The following TENM1 variants were observed in gnomAD, a reference collection of about 807,000 sequenced individuals.
TENM1 encodes the protein teneurin transmembrane protein 1, also known as teneurin-1.
In TENM1, 35 loss-of-function variants were observed where a neutral mutation model predicts 174.8. The ratio of observed to expected loss-of-function variants is 0.20; its 90% CI spans 0.15 to 0.27. TENM1 has a LOEUF of 0.27. TENM1 is among the 10% of genes least tolerant of loss of function. The pLI is 1.00. For missense variants in TENM1, 1,633 were observed against 2,130.1 expected, an observed-to-expected ratio of 0.77 and a Z score of 4.59; for synonymous variants, 781 against 798.7, an observed-to-expected ratio of 0.98 and a Z score of 0.37.
At chrX:124,973,930 G>A in the TENM1 span, among the ~76,000 whole-genome samples, 2 of 111,709 alleles carry the variant, frequency 1.8e-5, no homozygotes, top group Non-Finnish European at 3.8e-5. Flanking sequence ...GACACAGGGA[G>A]GGGAACATCA....
Position 124,799,662 on chromosome X carries a change from G to C in TENM1, c.536-62465C>G, listed in dbSNP as rs147303969. 1.5e-3 allele frequency among the ~76,000 whole-genome samples: 163 copies of C among 111,539 alleles called. 2 individuals carry two copies. Among genetic ancestry groups the C allele is most frequent in the Middle Eastern group, 0.014 (3 of 216 alleles). ...ATGTTGAATAGGAGTGGTGAGAGAG[G>C]GCATTCTTGTCTTGTGTCAGTTTTC... On this transcript the variant is annotated intron_variant, in intron 3 of 31. Coordinates refer to ENST00000422452, the Ensembl canonical transcript of TENM1.
At chrX:124,535,384 C>T (rs2048185500) in intron 15 of TENM1, among the ~76,000 whole-genome samples, 1 of 111,158 alleles carries the variant, frequency 9.0e-6, no homozygotes, top group African/African-American at 3.3e-5. Flanking sequence ...CTTATGAAAT[C>T]TGTCAGGCAT....
intron 8 of TENM1, among the ~76,000 whole-genome samples, chrX:124,650,200 C>CAAA (rs755570562): frequency 5.6e-4 from 14 of 24,858 alleles, no homozygotes; most frequent in East Asian, 1.7e-3. Context: ...AAACTGTCTC[C>CAAA]AAAAAAAAAA....
chrX:124,671,296 C>G (rs1333643135), intron 6 of TENM1, among the ~76,000 whole-genome samples: 2 of 110,955 alleles, frequency 1.8e-5, no homozygotes, highest in Non-Finnish European at 3.8e-5. Flanking sequence ...GTATTACAAA[C>G]AGAAGAAATT....
At chrX:124,522,877 AG>A (rs1320981896) in intron 17 of TENM1, among the ~76,000 whole-genome samples, 2 of 110,959 alleles carry the variant, frequency 1.8e-5, no homozygotes, top group Non-Finnish European at 3.8e-5. Context: ...TAGTAGAGAC[AG>A]GGTTTCTCCA....
At chrX:124,713,537 G>C (rs1223550612) in intron 4 of TENM1, among the ~76,000 whole-genome samples, 1 of 112,154 alleles carries the variant, frequency 8.9e-6, no homozygotes, top group Non-Finnish European at 1.9e-5. Context: ...CAAAGTGCTG[G>C]GATTACAGGC....
chrX:124,902,721 C>T lies in TENM1; in HGVS notation c.218-6480G>A, dbSNP rs1055834921. On this transcript the variant is annotated intron_variant, in intron 1 of 31. Transcript: ENST00000422452. Reference sequence around the variant, plus strand: ...ATCAGTTCAAGTAAATTTACTTAAACACAGCTTCACTGAACACCCACTCAA... The same window carrying T: ...ATCAGTTCAAGTAAATTTACTTAAATACAGCTTCACTGAACACCCACTCAA... Among the ~76,000 whole-genome samples the T allele has an allele frequency of 7.1e-5, 8 of 112,665 alleles. No homozygotes were observed. The Admixed American group carries it at 7.5e-4, about 11-fold the overall frequency.
intron 5 of TENM1, among the ~76,000 whole-genome samples, chrX:124,673,278 T>C (rs1010828270): frequency 6.3e-5 from 7 of 111,646 alleles, no homozygotes; most frequent in Non-Finnish European, 1.3e-4. Flanking sequence ...CCAGTGGAAG[T>C]TAACGCCAGA....
intron 4 of TENM1, among the ~76,000 whole-genome samples, chrX:124,736,108 T>C (rs2053664909): frequency 8.9e-6 from 1 of 111,930 alleles, no homozygotes; most frequent in Admixed American, 9.5e-5. Context: ...AAGCTTCCAT[T>C]GTAGAACTAA....
chrX:124,740,983 GC>G (rs772318779), intron 3 of TENM1, among the ~76,000 whole-genome samples: 1 of 111,368 alleles, frequency 9.0e-6, no homozygotes, highest in East Asian at 2.8e-4. Context: ...TACTTACAAA[GC>G]TTTCTGAAAA....
the TENM1 span, among the ~76,000 whole-genome samples, chrX:125,046,770 A>G: frequency 4.5e-5 from 5 of 110,757 alleles, no homozygotes; most frequent in African/African-American, 1.6e-4. Flanking sequence ...AAGCCAGACA[A>G]CTCAGAAAAT....
chrX:125,091,704 G>C, the TENM1 span, among the ~76,000 whole-genome samples: 5 of 110,919 alleles, frequency 4.5e-5, no homozygotes, highest in Admixed American at 4.8e-4. Flanking sequence ...AAACCTAGGA[G>C]AGGCCGGGCA....
the TENM1 span, among the ~76,000 whole-genome samples, chrX:125,121,615 C>T: frequency 8.9e-6 from 1 of 111,958 alleles, no homozygotes; most frequent in Non-Finnish European, 1.9e-5. Flanking sequence ...ACAATTTCTA[C>T]AGTAGCATAT....
intron 5 of TENM1, among the ~76,000 whole-genome samples, chrX:124,680,158 T>A (rs768923997): frequency 1.1e-4 from 12 of 111,679 alleles, no homozygotes; most frequent in Admixed American, 1.9e-4. Flanking sequence ...AAGAAAAGAT[T>A]GAGATAGTAT....
chrX:125,057,496 G>A, the TENM1 span, among the ~76,000 whole-genome samples: 24 of 110,894 alleles, frequency 2.2e-4, no homozygotes, highest in Non-Finnish European at 3.2e-4. Context: ...AAGTAAAGTA[G>A]TTCCAAAAGT....
intron 6 of TENM1, among the ~76,000 whole-genome samples, chrX:124,664,782 T>C (rs1407089204): frequency 9.2e-6 from 1 of 108,194 alleles, no homozygotes; most frequent in East Asian, 2.9e-4. Flanking sequence ...ATGTGAAATA[T>C]AAGATTTGCC....
intron 6 of TENM1, among the ~76,000 whole-genome samples, chrX:124,659,000 G>A (rs1041756332): frequency 1.8e-5 from 2 of 111,899 alleles, no homozygotes; most frequent in Non-Finnish European, 3.8e-5. Flanking sequence ...CTTCTGGTGT[G>A]GTCTGTTGAC....
chrX:124,449,983 T>C (rs1220185251), intron 23 of TENM1, among the ~76,000 whole-genome samples: 1 of 110,270 alleles, frequency 9.1e-6, no homozygotes, highest in Non-Finnish European at 1.9e-5. Context: ...TACTTACTAA[T>C]ATGGTTTTGC....
At chrX:124,910,567 A>G (rs1342487071) in intron 1 of TENM1, among the ~76,000 whole-genome samples, 1 of 112,071 alleles carries the variant, frequency 8.9e-6, no homozygotes, top group Non-Finnish European at 1.9e-5. Flanking sequence ...ATTTGATAGT[A>G]TATTGACAAA....
Sources: allele counts gnomAD v4.1 joint callset (sites outside exome capture counted in the v4.1 genomes callset), GRCh38; gene constraint gnomAD v4.1.1; transcripts MANE v1.5; gene names NCBI Gene and HGNC (gene_info 2026-07-23, HGNC 2026-07-21).